ABCC2: variants seen among roughly 807,000 people sequenced by gnomAD.
The protein encoded by ABCC2 is ATP-binding cassette sub-family C member 2.
ABCC2 carries 157 observed loss-of-function variants against 173.4 expected under a neutral mutation model. That is an observed-to-expected ratio of 0.91 (90% CI 0.80 to 1.03). ABCC2 has a LOEUF of 1.03. Among genes scored for constraint, ABCC2 ranks in the 50% least tolerant of loss-of-function variants. The pLI is 0.00. For missense variants in ABCC2, 1,822 were observed against 1,852.3 expected, an observed-to-expected ratio of 0.98 and a Z score of 0.30; for synonymous variants, 657 against 693.5, an observed-to-expected ratio of 0.95 and a Z score of 0.83.
chr10:99,814,212 TGTGTATATATACAC>T (rs2038289070), intron 16 of ABCC2, among the ~76,000 whole-genome samples: 1 of 30,188 alleles, frequency 3.3e-5, no homozygotes, highest in Admixed American at 3.0e-4. Flanking sequence ...TATACACACA[TGTGTATATATACAC>T]ACATGTGTAT....
chr10:99,820,852 C>G (rs917135264), intron 19 of ABCC2, among the ~76,000 whole-genome samples: 1 of 152,006 alleles, frequency 6.6e-6, no homozygotes, highest in Non-Finnish European at 1.5e-5. Context: ...GGGTGTTTCT[C>G]GTAAGGTGGA....
chr10:99,841,819 T>C (rs953121290), intron 25 of ABCC2, 148 bp from the exon 26 acceptor site: 2 of 958,222 alleles, frequency 2.1e-6, no homozygotes, highest in Non-Finnish European at 3.3e-6. Flanking sequence ...TAGGAATACA[T>C]GGTGTTTCTA....
At chr10:99,787,467 G>A (rs546720412) in intron 2 of ABCC2, among the ~76,000 whole-genome samples, 49 of 151,240 alleles carry the variant, frequency 3.2e-4, no homozygotes, top group East Asian at 2.7e-3. Context: ...TTGGGGGGAC[G>A]GAGTCTCGTT....
At chr10:99,848,997 G>A (rs940924490) in intron 30 of ABCC2, among the ~76,000 whole-genome samples, 1 of 152,200 alleles carries the variant, frequency 6.6e-6, no homozygotes, top group Non-Finnish European at 1.5e-5. Flanking sequence ...GGCCGAGGCA[G>A]CCGGATCACC....
At chr10:99,814,136 TATATACAC>T (rs2038274567) in intron 16 of ABCC2, among the ~76,000 whole-genome samples, 2 of 82,600 alleles carry the variant, frequency 2.4e-5, no homozygotes, top group South Asian at 7.2e-4. Context: ...TATGTGTGTA[TATATACAC>T]ACATGTATGT....
chr10:99,849,252 G>C (rs2039058045), intron 30 of ABCC2, among the ~76,000 whole-genome samples: 1 of 152,204 alleles, frequency 6.6e-6, no homozygotes, highest in Non-Finnish European at 1.5e-5. Flanking sequence ...TACACCTACT[G>C]TGTGCCAGGT....
intron 15 of ABCC2, among the ~76,000 whole-genome samples, 197 bp from the exon 16 acceptor site, chr10:99,812,821 A>G (rs973933172): frequency 6.6e-6 from 1 of 152,256 alleles, no homozygotes; most frequent in Admixed American, 6.5e-5. Context: ...CTCATTCTCT[A>G]GCCTTTTAGA....
At position 99,801,715 on chromosome 10, in the gene ABCC2, G is replaced by A. The variant is rs2038018695; in HGVS notation, c.1209+1152G>A. 2.6e-5 allele frequency among the ~76,000 whole-genome samples: 4 copies of A among 152,304 alleles called. No individual in the cohort carries two copies. In the East Asian group the frequency reaches 7.7e-4, roughly 29 times the overall value. ...GAGATAGGTTCCAATCTTTTTATAA[G>A]TTGGAACACTAGTTGACTTTCTTCC... On this transcript the variant is annotated intron_variant, in intron 9 of 31. Coordinates refer to ENST00000647814, the MANE Select transcript of ABCC2 (RefSeq NM_000392.5).
intron 30 of ABCC2, 148 bp from the exon 31 acceptor site, chr10:99,850,454 A>G: frequency 1.3e-6 from 1 of 752,748 alleles, no homozygotes; most frequent in Non-Finnish European, 2.3e-6. Flanking sequence ...GCAGCAAGGT[A>G]CAGCTAGTTG....
In ABCC2 at chr10:99,800,489, C is replaced by A; in HGVS notation, c.1135C>A (p.Gln379Lys). Reference protein sequence around the residue: ...TAALIQSFCLQCYFQLCFKLG... With the variant: ...TAALIQSFCLKCYFQLCFKLG... ...GGCTCTCATTCAGTCTTTCTGCCTT[C>A]AGTGTTATTTCCAACTGTGCTTCAA... is the stretch of plus-strand genomic sequence containing the variant. The change falls in exon 9 of 32, where the codon CAG becomes AAG. Residue 379 changes from glutamine to lysine, a missense_variant. By Grantham distance (53) the Gln-to-Lys change is moderately conservative (BLOSUM62 1). Transcript: ENST00000647814. The A allele has an allele frequency of 1.8e-5, 29 of 1,614,188 alleles. No individual in the cohort carries two copies. The highest frequency in any genetic ancestry group is 2.5e-5 in the Non-Finnish European group (29 of 1,180,038).
At chr10:99,831,874 C>CT (rs2038746189) in intron 22 of ABCC2, 44 bp downstream of exon 22, 1 of 1,612,912 alleles carries the variant, frequency 6.2e-7, no homozygotes, top group South Asian at 1.1e-5. Context: ...TGTCTGGACC[C>CT]TGTACTTTTC....
chr10:99,791,267 G>A (rs1237691175), intron 2 of ABCC2, among the ~76,000 whole-genome samples: 1 of 152,136 alleles, frequency 6.6e-6, no homozygotes, highest in African/African-American at 2.4e-5. Context: ...AATTAGCCAG[G>A]TGTGGTGGCG....
chr10:99,839,230 C>CA (rs2038889392), intron 25 of ABCC2, among the ~76,000 whole-genome samples: 1 of 97,740 alleles, frequency 1.0e-5, no homozygotes. Context: ...GCTGGCCGGG[C>CA]GGGGGGCCGA....
At chr10:99,783,783 A>G (rs2037658666) in intron 1 of ABCC2, among the ~76,000 whole-genome samples, 1 of 152,176 alleles carries the variant, frequency 6.6e-6, no homozygotes, top group Admixed American at 6.6e-5. Flanking sequence ...TACCACGGCA[A>G]GGTGGATCTT....
chr10:99,795,161 G>A (rs1162498852), intron 6 of ABCC2, among the ~76,000 whole-genome samples: 2 of 152,024 alleles, frequency 1.3e-5, no homozygotes, highest in African/African-American at 2.4e-5. Flanking sequence ...TTGGCAGGCT[G>A]GTGAAGTCTA....
chr10:99,830,367 T>A lies in ABCC2; in HGVS notation c.2681T>A (p.Ile894Asn). The A allele has an allele frequency of 6.2e-7, 1 of 1,614,144 alleles. No homozygotes were observed. Among genetic ancestry groups the A allele is most frequent in the African/African-American group, 1.3e-5 (1 of 75,024 alleles). Residue 894 changes from isoleucine to asparagine, a missense_variant, in exon 20 of 32, where the codon ATC becomes AAC. Physicochemically the swap from Ile to Asn is moderately radical, Grantham distance 149. Coordinates refer to ENST00000647814, the MANE Select transcript of ABCC2 (RefSeq NM_000392.5). ...GGGCTGATATCCAGTGTGGAAGAGA[T>A]CCCCGAAGATGCAGCCTCCATAACC... ...DYGLISSVEEIPEDAASITMR... is the reference protein window; with the variant it reads ...DYGLISSVEENPEDAASITMR...
chr10:99,824,998 C>A (rs1198651781), intron 19 of ABCC2, among the ~76,000 whole-genome samples: 1 of 108,420 alleles, frequency 9.2e-6, no homozygotes, highest in Non-Finnish European at 1.9e-5. Flanking sequence ...TTAGGAGGCT[C>A]TACAGTGGCT....
rs779203197 is a variant in ABCC2, at chr10:99,818,793, A to G, written c.2275A>G (p.Ile759Val). ...GDLAEIGEKG[I>V]NLSGGQKQRI... The stretch of plus-strand genomic sequence containing the variant: ...TATGAATTATTTTCTTCTTCAGGGT[A>G]TAAATCTTAGTGGGGGTCAGAAGCA... Residue 759 changes from isoleucine to valine, a missense_variant, in exon 18 of 32, where the codon ATA becomes GTA. Transcript: ENST00000647814. 30 of 1,613,998 alleles carry G rather than the reference A, an allele frequency of 1.9e-5. No homozygotes were observed. The highest frequency in any genetic ancestry group is 1.7e-4 in the Middle Eastern group (1 of 6,026).
chr10:99,816,365 C>G (rs772602733), intron 16 of ABCC2, among the ~76,000 whole-genome samples: 4 of 151,766 alleles, frequency 2.6e-5, no homozygotes, highest in Non-Finnish European at 5.9e-5. Context: ...CTCACTGCAG[C>G]CTCTGCCTCC....
Sources: allele counts gnomAD v4.1 joint callset (sites outside exome capture counted in the v4.1 genomes callset), GRCh38; gene constraint gnomAD v4.1.1; transcripts MANE v1.5; gene names NCBI Gene and HGNC (gene_info 2026-07-23, HGNC 2026-07-21).